ZDHHC24: variants seen among roughly 807,000 people sequenced by gnomAD.
ZDHHC24 encodes probable palmitoyltransferase ZDHHC24.
In ZDHHC24, 17 loss-of-function variants were observed where a neutral mutation model predicts 23.2. The ratio of observed to expected loss-of-function variants is 0.73; its 90% confidence interval spans 0.50 to 1.10. ZDHHC24 has a LOEUF of 1.10. ZDHHC24 is among the 50% of genes least tolerant of loss of function. ZDHHC24 has a pLI of 0.00. For synonymous variants in ZDHHC24, 186 were observed against 194.5 expected, an observed-to-expected ratio of 0.96 and a Z score of 0.36; for missense variants, 366 against 393.0, an observed-to-expected ratio of 0.93 and a Z score of 0.58.
chr11:66,530,659 C>T (rs535695989), downstream of ZDHHC24, among the ~76,000 whole-genome samples: 2 of 152,216 alleles, frequency 1.3e-5, no homozygotes, highest in East Asian at 1.9e-4. Flanking sequence ...AGAGTCGGGG[C>T]CTGCAGTCCC....
chr11:66,523,481 A>G, intron 4 of ZDHHC24: 1 of 1,614,134 alleles, frequency 6.2e-7, no homozygotes. Context: ...CAAGTACTGC[A>G]TCGAGCTGAG....
intron 1 of ZDHHC24, among the ~76,000 whole-genome samples, chr11:66,544,322 C>G (rs1004463783): frequency 6.6e-6 from 1 of 152,182 alleles, no homozygotes; most frequent in Non-Finnish European, 1.5e-5. Flanking sequence ...CTTGACTGGT[C>G]TCCGATTCCA....
At chr11:66,534,577 C>T (rs970087748), downstream of ZDHHC24, among the ~76,000 whole-genome samples, 10 of 151,034 alleles carry the variant, frequency 6.6e-5, no homozygotes, top group Admixed American at 1.3e-4. Context: ...GCAGGAGGAT[C>T]GCTTGAACCC....
chr11:66,537,831 G>A lies in ZDHHC24; in HGVS notation c.*1698C>T, dbSNP rs995994677. 1 of 151,818 alleles carries A rather than the reference G, an allele frequency of 6.6e-6. No individual in the cohort carries two copies. The highest frequency in any genetic ancestry group is 2.4e-5 in the African/African-American group (1 of 41,372). 9.4% of individuals were successfully genotyped at this position (151,818 alleles called of 1,614,324 possible). On this transcript the variant is annotated 3_prime_UTR_variant, in exon 3 of 3. Coordinates refer to ENST00000310442, the MANE Select transcript of ZDHHC24 (RefSeq NM_207340.3). Reference sequence around the variant, plus strand: ...TAGTCCCAGCTACTTGAGAGGCTGAGGCAGGAGAATGGCGTGAACCCAGAA... The same window carrying A: ...TAGTCCCAGCTACTTGAGAGGCTGAAGCAGGAGAATGGCGTGAACCCAGAA...
chr11:66,520,655 C>T (rs767591599), downstream of ZDHHC24: 44 of 164,000 alleles, frequency 2.7e-4, no homozygotes, highest in Non-Finnish European at 3.6e-4. Context: ...TACCCTGTCA[C>T]CTATTGTACA....
intron 4 of ZDHHC24, chr11:66,523,763 C>T (rs1856357427): frequency 6.2e-7 from 1 of 1,613,026 alleles, no homozygotes; most frequent in African/African-American, 1.3e-5. Flanking sequence ...CGCAGCCATC[C>T]TGACCATGAA....
downstream of ZDHHC24, chr11:66,531,005 T>G (rs1316472200): frequency 6.2e-6 from 10 of 1,614,072 alleles, no homozygotes; most frequent in Admixed American, 8.3e-5. Context: ...GGCGCTCTAT[T>G]CCCTGCCCCG....
chr11:66,526,605 A>G (rs756782880), intron 4 of ZDHHC24: 1 of 1,613,222 alleles, frequency 6.2e-7, no homozygotes, highest in Non-Finnish European at 8.5e-7. Flanking sequence ...GAATGTGGGT[A>G]GAACTGGGGA....
At chr11:66,526,458 G>A (rs983709351) in intron 4 of ZDHHC24, among the ~76,000 whole-genome samples, 1 of 152,244 alleles carries the variant, frequency 6.6e-6, no homozygotes, top group African/African-American at 2.4e-5. Flanking sequence ...ACAAATAACT[G>A]CTAAGTGGAT....
rs1362515144 is a variant in ZDHHC24 at position 66,538,036 on chromosome 11, G to A, written c.*1493C>T. The A allele has an allele frequency of 1.3e-5, 2 of 152,118 alleles. No individual in the cohort carries two copies. Among genetic ancestry groups the A allele is most frequent in the Non-Finnish European group, 2.9e-5 (2 of 68,032 alleles). The allele number at this position is 152,118 out of a possible 1,614,324, so 9.4% of individuals were successfully genotyped here. On this transcript the variant is annotated 3_prime_UTR_variant, in exon 3 of 3. Transcript: ENST00000310442. ...CTTTGGGAGACGGAGGTGGAGGCAG[G>A]TGCCAGGAATTCAAGTTCAGCCTGG...
At chr11:66,534,962 G>A (rs935037990), downstream of ZDHHC24, among the ~76,000 whole-genome samples, 7 of 152,000 alleles carry the variant, frequency 4.6e-5, no homozygotes, top group Non-Finnish European at 7.4e-5. Flanking sequence ...GCGTGATCTC[G>A]GCTCACTGCA....
intron 1 of ZDHHC24, 137 bp from the exon 2 acceptor site, chr11:66,544,118 A>G: frequency 8.6e-7 from 1 of 1,168,274 alleles, no homozygotes; most frequent in South Asian, 1.5e-5. Context: ...CTTTACAAGT[A>G]AATGCAGGCT....
At chr11:66,522,971 A>G (rs1856307618) in intron 4 of ZDHHC24, 1 of 361,824 alleles carries the variant, frequency 2.8e-6, no homozygotes, top group Non-Finnish European at 5.4e-6. Context: ...TGGGAAAGAC[A>G]TTGGCGTGTG....
chr11:66,524,331 G>A, intron 4 of ZDHHC24: 1 of 283,464 alleles, frequency 3.5e-6, no homozygotes, highest in South Asian at 3.4e-5. Context: ...CACCATATTG[G>A]TAGGGGTGGG....
downstream of ZDHHC24, among the ~76,000 whole-genome samples, chr11:66,535,332 A>C (rs1055696173): frequency 1.0e-4 from 14 of 134,992 alleles, no homozygotes; most frequent in South Asian, 2.4e-4. Flanking sequence ...ACCTCAGCCC[A>C]CCCCCATCCC....
At chr11:66,523,116 T>C (rs978452606) in intron 4 of ZDHHC24, 4 of 485,510 alleles carry the variant, frequency 8.2e-6, no homozygotes, top group Non-Finnish European at 1.6e-5. Context: ...CTAAGTCCAC[T>C]TGTCCTGGCT....
chr11:66,545,907 G>C lies in ZDHHC24; in HGVS notation c.97C>G (p.Leu33Val). The C allele has an allele frequency of 1.3e-6, 2 of 1,532,516 alleles. No individual in the cohort carries two copies. The highest frequency in any genetic ancestry group is 1.7e-6 in the Non-Finnish European group (2 of 1,147,748). 94.9% of individuals were successfully genotyped at this position (1,532,516 alleles called of 1,614,324 possible). ...GGACCGAGCACCAGCACGTAAGCCA[G>C]CTCCAGGCCCACGGCCGCGGCCCAC... The part of the protein sequence containing the change: ...ALWAAAVGLE[L>V]AYVLVLGPGP... The change falls in exon 1 of 3, where the codon CTG becomes GTG. Residue 33 changes from leucine to valine, a missense_variant. By Grantham distance (32) the Leu-to-Val change is conservative. Transcript: ENST00000310442. This position sits in a 1 kb window ranked among gnomAD's most constrained non-coding sequence, Gnocchi z 4.5.
At chr11:66,528,893 G>A (rs1407382293) in intron 3 of ZDHHC24, 27 of 204,458 alleles carry the variant, frequency 1.3e-4, no homozygotes, top group Non-Finnish European at 1.0e-4. Context: ...GATTGAACCC[G>A]GGAGGCAGAG....
chr11:66,535,649 T>G lies in ZDHHC24; in HGVS notation c.*3880A>C, dbSNP rs1856944619. ...TCTTTATGGGAAAAGGTACACAACT[T>G]TATTGAAAACATTGAGTGCAGAAAT... is the stretch of plus-strand genomic sequence containing the variant. On this transcript the variant is annotated 3_prime_UTR_variant, in exon 3 of 3. Coordinates refer to ENST00000310442, the MANE Select transcript of ZDHHC24 (RefSeq NM_207340.3). Among the ~76,000 whole-genome samples, 1 of 152,094 alleles carries G rather than the reference T, an allele frequency of 6.6e-6. No homozygotes were observed. The highest frequency in any genetic ancestry group is 2.4e-5 in the African/African-American group (1 of 41,410).
Sources: allele counts gnomAD v4.1 joint callset (sites outside exome capture counted in the v4.1 genomes callset), GRCh38; gene constraint gnomAD v4.1.1; non-coding constraint Gnocchi (gnomAD v3.1); transcripts MANE v1.5; gene names NCBI Gene and HGNC (gene_info 2026-07-23, HGNC 2026-07-21).